The following ALCAM variants were observed in gnomAD, a reference collection of about 807,000 sequenced individuals.
ALCAM encodes the protein activated leukocyte cell adhesion molecule.
A neutral mutation model predicts 70.9 loss-of-function variants in ALCAM; 30 were observed. The ratio of observed to expected loss-of-function variants is 0.42; its 90% confidence interval spans 0.32 to 0.57. The LOEUF (loss-of-function observed/expected upper bound fraction) is 0.57, where lower values mean the gene tolerates loss of function less well. Among genes scored for constraint, ALCAM ranks in the 20% least tolerant of loss-of-function variants. The probability of loss-of-function intolerance (pLI) is 0.11; values close to 1 mark genes in which losing one functional copy is unlikely to be tolerated. For missense variants in ALCAM, 591 were observed against 695.1 expected (o/e 0.85, Z 1.68); for synonymous variants, 249 against 242.5 (o/e 1.03, Z -0.25).
At chr3:105,513,523 T>A (rs562735688) in intron 1 of ALCAM, among the ~76,000 whole-genome samples, 2 of 151,982 alleles carry the variant, frequency 1.3e-5, no homozygotes, top group Non-Finnish European at 2.9e-5. Context: ...ACCCTGTAGC[T>A]GTATTCCCTA....
intron 14 of ALCAM, among the ~76,000 whole-genome samples, chr3:105,568,305 G>T (rs937153283): frequency 1.1e-4 from 16 of 152,018 alleles, no homozygotes; most frequent in East Asian, 9.6e-4. Context: ...TGGCCAGGCT[G>T]GTCTCGAACT....
At chr3:105,386,740 T>C (rs1232960156) in intron 1 of ALCAM, among the ~76,000 whole-genome samples, 1 of 151,470 alleles carries the variant, frequency 6.6e-6, no homozygotes. Flanking sequence ...GTGTGGAAAG[T>C]ATATTCTTTC....
chr3:105,508,147 G>A (rs1276904184), intron 1 of ALCAM, among the ~76,000 whole-genome samples: 2 of 152,232 alleles, frequency 1.3e-5, no homozygotes, highest in East Asian at 1.9e-4. Context: ...GATAAAATGT[G>A]TTAGTTCATT....
chr3:105,493,246 A>T (rs1213051346), intron 1 of ALCAM, among the ~76,000 whole-genome samples: 1 of 152,158 alleles, frequency 6.6e-6, no homozygotes, highest in Non-Finnish European at 1.5e-5. Flanking sequence ...CCTAAATAAT[A>T]ACTAAGTTAT....
intron 1 of ALCAM, among the ~76,000 whole-genome samples, chr3:105,372,848 A>T (rs1553717076): frequency 6.6e-6 from 1 of 152,130 alleles, no homozygotes; most frequent in Non-Finnish European, 1.5e-5. Flanking sequence ...AACATCTATG[A>T]GATGAAACTA....
chr3:105,518,427 C>A (rs540299663), intron 1 of ALCAM, among the ~76,000 whole-genome samples: 2 of 152,204 alleles, frequency 1.3e-5, no homozygotes, highest in South Asian at 4.1e-4. Context: ...ACTTAATACA[C>A]ACAGCAGAAA....
intron 1 of ALCAM, among the ~76,000 whole-genome samples, chr3:105,509,543 G>T (rs1324763903): frequency 6.6e-6 from 1 of 151,212 alleles, no homozygotes. Flanking sequence ...TCATGTGCCT[G>T]TTTTTTTTAT....
At chr3:105,386,253 C>G (rs1010214152) in intron 1 of ALCAM, among the ~76,000 whole-genome samples, 17 of 151,680 alleles carry the variant, frequency 1.1e-4, no homozygotes, top group African/African-American at 4.1e-4. Flanking sequence ...ATTAGAAAAG[C>G]AGAGTTAGGA....
At chr3:105,519,774 G>A (rs1486280941) in intron 1 of ALCAM, among the ~76,000 whole-genome samples, 1 of 152,118 alleles carries the variant, frequency 6.6e-6, no homozygotes, top group African/African-American at 2.4e-5. Context: ...ATTCCACGAT[G>A]TTCCTTTGGA....
chr3:105,403,104 G>A (rs530695744), intron 1 of ALCAM, among the ~76,000 whole-genome samples: 47 of 151,948 alleles, frequency 3.1e-4, no homozygotes, highest in African/African-American at 9.7e-4. Flanking sequence ...CCGCCACCAC[G>A]CCCAGCCAAT....
rs922196044 is a variant in ALCAM at position 105,496,568 on chromosome 3, C to T, written c.74-23499C>T. On this transcript the variant is annotated intron_variant, in intron 1 of 15. Coordinates refer to ENST00000306107, the MANE Select transcript of ALCAM (RefSeq NM_001627.4). Reference sequence around the variant, plus strand: ...TATTTTGTATCTCCCTCATTGTCTTCGCTTTTGCTGGACTTGTCGTACCAG... The same window carrying T: ...TATTTTGTATCTCCCTCATTGTCTTTGCTTTTGCTGGACTTGTCGTACCAG... Among the ~76,000 whole-genome samples, 27 of 152,258 alleles carry T rather than the reference C, an allele frequency of 1.8e-4. 1 individual carries two copies. The highest frequency in any genetic ancestry group is 2.9e-4 in the African/African-American group (12 of 41,566).
intron 1 of ALCAM, among the ~76,000 whole-genome samples, chr3:105,430,566 G>A (rs1016492118): frequency 3.3e-5 from 5 of 152,112 alleles, no homozygotes; most frequent in Admixed American, 3.3e-4. Flanking sequence ...TAAATCAAGG[G>A]TACTTACTGT....
intron 2 of ALCAM, among the ~76,000 whole-genome samples, chr3:105,521,992 A>G (rs1939557188): frequency 6.6e-6 from 1 of 152,196 alleles, no homozygotes; most frequent in Non-Finnish European, 1.5e-5. Context: ...CACACAATGC[A>G]CTTGTTCAAT....
At chr3:105,462,063 G>T (rs939177859) in intron 1 of ALCAM, among the ~76,000 whole-genome samples, 6 of 151,498 alleles carry the variant, frequency 4.0e-5, no homozygotes, top group African/African-American at 1.5e-4. Context: ...TATATCAAGA[G>T]CAAATAGTTG....
intron 1 of ALCAM, among the ~76,000 whole-genome samples, chr3:105,492,400 C>A (rs1053931358): frequency 2.6e-5 from 4 of 152,136 alleles, no homozygotes; most frequent in Admixed American, 2.6e-4. Context: ...AAATTAATTT[C>A]TGAACAGATT....
chr3:105,543,653 C>T (rs1158280654), intron 8 of ALCAM, among the ~76,000 whole-genome samples: 1 of 151,664 alleles, frequency 6.6e-6, no homozygotes, highest in Non-Finnish European at 1.5e-5. Flanking sequence ...TGATGAAAGT[C>T]ACTGTTTCCC....
At chr3:105,405,006 G>A (rs1486184777) in intron 1 of ALCAM, among the ~76,000 whole-genome samples, 1 of 151,880 alleles carries the variant, frequency 6.6e-6, no homozygotes, top group Non-Finnish European at 1.5e-5. Context: ...GGCCCAGTGG[G>A]GTGGCTCATA....
At position 105,367,170 on chromosome 3, in the gene ALCAM, A is replaced by C; in HGVS notation, c.-239A>C. The C allele has an allele frequency of 1.9e-6, 1 of 535,676 alleles. No individual in the cohort carries two copies. The highest frequency in any genetic ancestry group is 3.4e-6 in the Non-Finnish European group (1 of 296,060). The allele number at this position is 535,676 out of a possible 1,614,324, so 33.2% of individuals were successfully genotyped here. A position where few individuals can be genotyped will look rare whatever the true frequency, so the allele number is the denominator to read the frequency against. The stretch of plus-strand genomic sequence containing the variant: ...GTCGTTGTCCCCGGAGGAGCAGCCG[A>C]AGGGCCCGTGGGCTGGTGTTGACCG... On this transcript the variant is annotated 5_prime_UTR_variant, in exon 1 of 16. Transcript: ENST00000306107.
chr3:105,571,976 G>A lies in ALCAM; in HGVS notation c.*25+12G>A. 1.4e-6 allele frequency: 2 copies of A among 1,461,864 alleles called. No individual in the cohort carries two copies. Among genetic ancestry groups the A allele is most frequent in the Non-Finnish European group, 1.9e-6 (2 of 1,058,102 alleles). The allele number at this position is 1,461,864 out of a possible 1,614,324, so 90.6% of individuals were successfully genotyped here. A position where few individuals can be genotyped will look rare whatever the true frequency, so the allele number is the denominator to read the frequency against. On this transcript the variant is annotated intron_variant, in intron 15 of 15. Coordinates refer to ENST00000306107, the MANE Select transcript of ALCAM (RefSeq NM_001627.4). Reference sequence around the variant, plus strand: ...TCCTAGTTGTCCAGGTGAGTAGTCTGTACGAGGTTCATAGAAATAATTCCC... The same window carrying A: ...TCCTAGTTGTCCAGGTGAGTAGTCTATACGAGGTTCATAGAAATAATTCCC...
Sources: allele counts gnomAD v4.1 joint callset (sites outside exome capture counted in the v4.1 genomes callset), GRCh38; gene constraint gnomAD v4.1.1; transcripts MANE v1.5; gene names NCBI Gene and HGNC (gene_info 2026-07-23, HGNC 2026-07-21).